EFR3B: variants seen among roughly 807,000 people sequenced by gnomAD.
EFR3B encodes protein EFR3 homolog B.
A neutral mutation model predicts 104.7 loss-of-function variants in EFR3B; 64 were observed. The observed-to-expected ratio is 0.61, with a 90% CI of 0.50 to 0.75. The LOEUF is 0.75. EFR3B is among the 30% of genes least tolerant of loss of function. The pLI is 0.00. For missense variants in EFR3B, 750 were observed against 1,078.5 expected (o/e 0.70, Z 4.27); for synonymous variants, 385 against 417.9 (o/e 0.92, Z 0.96).
At chr2:25,126,929 C>T (rs988698610) in intron 5 of EFR3B, among the ~76,000 whole-genome samples, 2 of 151,928 alleles carry the variant, frequency 1.3e-5, no homozygotes, top group African/African-American at 4.8e-5. Context: ...CACGGTGGCT[C>T]ACACCTGTAA....
chr2:25,149,591 T>C, intron 19 of EFR3B, 103 bp from the exon 20 acceptor site: 1 of 1,250,600 alleles, frequency 8.0e-7, no homozygotes, highest in Admixed American at 2.0e-5. Flanking sequence ...CCACTGGGAC[T>C]TTCTTCCAAC....
intron 16 of EFR3B, among the ~76,000 whole-genome samples, chr2:25,139,608 A>T (rs551427652): frequency 3.9e-4 from 60 of 152,316 alleles, no homozygotes; most frequent in Non-Finnish European, 8.1e-4. Context: ...GACTAAAGCT[A>T]TCAAATACCG....
At chr2:25,083,498 C>A (rs1668868104) in intron 1 of EFR3B, among the ~76,000 whole-genome samples, 1 of 152,116 alleles carries the variant, frequency 6.6e-6, no homozygotes, top group Non-Finnish European at 1.5e-5. Flanking sequence ...TTATTTGTTT[C>A]TTTCCTAGCT....
chr2:25,059,968 A>G (rs1298659808), intron 1 of EFR3B, among the ~76,000 whole-genome samples: 1 of 150,358 alleles, frequency 6.7e-6, no homozygotes, highest in Non-Finnish European at 1.5e-5. Context: ...GGAGGCTGAG[A>G]TGGGCATATC....
chr2:25,102,712 G>A (rs1669458693), intron 3 of EFR3B, among the ~76,000 whole-genome samples: 1 of 152,194 alleles, frequency 6.6e-6, no homozygotes, highest in South Asian at 2.1e-4. Flanking sequence ...GTCATCTAGT[G>A]AGAGGACTTG....
At chr2:25,119,580 T>C (rs1053829415) in intron 4 of EFR3B, among the ~76,000 whole-genome samples, 8 of 152,272 alleles carry the variant, frequency 5.3e-5, no homozygotes, top group African/African-American at 1.7e-4. Context: ...GGATTACCAC[T>C]GTGCCTCTTC....
chr2:25,085,136 A>G (rs1369101141), intron 1 of EFR3B, among the ~76,000 whole-genome samples: 1 of 152,208 alleles, frequency 6.6e-6, no homozygotes, highest in Non-Finnish European at 1.5e-5. Context: ...TTCCCCAACT[A>G]TCGGAGCTCA....
rs1236601229 is a variant in EFR3B at position 25,154,308 on chromosome 2, G to A, written c.2422G>A (p.Glu808Lys). Residue 808 changes from glutamate to lysine, a missense_variant, in exon 23 of 23, where the codon GAA (glutamate) becomes AAA (lysine). Physicochemically the swap from Glu to Lys is moderately conservative, Grantham distance 56. Transcript: ENST00000403714. This position sits in a 1 kb window ranked among gnomAD's most constrained non-coding sequence, Gnocchi z 4.1. Reference sequence around the variant, plus strand: ...GCAGAACCACTCCATCCCCGTCTATGAAATGAAGTTTCCCGATCTGTGTGT... The same window carrying A: ...GCAGAACCACTCCATCCCCGTCTATAAAATGAAGTTTCCCGATCTGTGTGT... The part of the protein sequence containing the change: ...QPQNHSIPVY[E>K]MKFPDLCVY 6 of 1,552,014 alleles carry A rather than the reference G, an allele frequency of 3.9e-6. No individual in the cohort carries two copies. The East Asian group carries it at 7.3e-5, about 19-fold the overall frequency.
chr2:25,077,789 C>T (rs1668678079), intron 1 of EFR3B, among the ~76,000 whole-genome samples: 1 of 152,016 alleles, frequency 6.6e-6, no homozygotes, highest in Non-Finnish European at 1.5e-5. Context: ...TTTCTTTTTT[C>T]CCCCGTTTTA....
intron 1 of EFR3B, among the ~76,000 whole-genome samples, chr2:25,053,773 G>C (rs1005769344): frequency 3.3e-5 from 5 of 152,184 alleles, no homozygotes; most frequent in African/African-American, 1.2e-4. Context: ...TGGGCATGGT[G>C]GCATGTGCCT....
chr2:25,117,190 G>A (rs1016169732), intron 4 of EFR3B, among the ~76,000 whole-genome samples: 3 of 152,300 alleles, frequency 2.0e-5, no homozygotes, highest in South Asian at 2.1e-4. Flanking sequence ...GGGACTGCCC[G>A]TCAGCCCCTG....
Position 25,136,665 on chromosome 2 carries a change from A to C in EFR3B, c.1560+67A>C. Reference sequence around the variant, plus strand: ...GGTGGCTCACGCCTGCAATCCCAGCACTTTGGGAGGCTGAGGCGGGCGGAT... The same window carrying C: ...GGTGGCTCACGCCTGCAATCCCAGCCCTTTGGGAGGCTGAGGCGGGCGGAT... On this transcript the variant is annotated intron_variant, in intron 14 of 22. Coordinates refer to ENST00000403714, the MANE Select transcript of EFR3B (RefSeq NM_014971.2). This position sits in a 1 kb window ranked among gnomAD's most constrained non-coding sequence, Gnocchi z 4.0. The C allele has an allele frequency of 7.2e-7, 1 of 1,385,956 alleles. No homozygotes were observed. The highest frequency in any genetic ancestry group is 1.0e-6 in the Non-Finnish European group (1 of 1,001,248). 85.9% of individuals were successfully genotyped at this position (1,385,956 alleles called of 1,614,324 possible). A position where few individuals can be genotyped will look rare whatever the true frequency, so the allele number is the denominator to read the frequency against.
At chr2:25,043,111 T>C (rs1231162421) in intron 1 of EFR3B, among the ~76,000 whole-genome samples, 3 of 152,128 alleles carry the variant, frequency 2.0e-5, no homozygotes, top group African/African-American at 7.2e-5. Context: ...CTCTGATGAA[T>C]GGAGCACTGG....
intron 1 of EFR3B, among the ~76,000 whole-genome samples, chr2:25,089,596 G>A (rs1457696056): frequency 6.6e-6 from 1 of 152,158 alleles, no homozygotes; most frequent in Non-Finnish European, 1.5e-5. Flanking sequence ...AGAAGACTGG[G>A]CAGCTGCAGG....
At chr2:25,049,415 A>G (rs1667806683) in intron 1 of EFR3B, among the ~76,000 whole-genome samples, 1 of 152,246 alleles carries the variant, frequency 6.6e-6, no homozygotes, top group South Asian at 2.1e-4. Flanking sequence ...GTATGATACT[A>G]CAGAGGCCAT....
chr2:25,098,351 C>T (rs1426320461), intron 3 of EFR3B, among the ~76,000 whole-genome samples: 4 of 152,174 alleles, frequency 2.6e-5, no homozygotes, highest in Admixed American at 1.3e-4. Flanking sequence ...CCTGTATCTG[C>T]CTTTCCTCTC....
intron 1 of EFR3B, among the ~76,000 whole-genome samples, chr2:25,045,611 G>A (rs897722726): frequency 1.4e-4 from 21 of 151,900 alleles, no homozygotes; most frequent in African/African-American, 4.1e-4. Flanking sequence ...GCGAAACCCC[G>A]TCTCTACCAA....
intron 1 of EFR3B, among the ~76,000 whole-genome samples, chr2:25,049,807 A>G (rs943666188): frequency 4.0e-5 from 6 of 151,814 alleles, no homozygotes; most frequent in Non-Finnish European, 2.9e-5. Flanking sequence ...GTTTAAGTGG[A>G]GAATTATGTG....
intron 4 of EFR3B, among the ~76,000 whole-genome samples, chr2:25,120,365 GC>G (rs1012399514): frequency 6.6e-6 from 1 of 151,838 alleles, no homozygotes; most frequent in African/African-American, 2.4e-5. Flanking sequence ...AAAAACCCTG[GC>G]CGGGCGCAGT....
Sources: allele counts gnomAD v4.1 joint callset (sites outside exome capture counted in the v4.1 genomes callset), GRCh38; gene constraint gnomAD v4.1.1; non-coding constraint Gnocchi (gnomAD v3.1); transcripts MANE v1.5; gene names NCBI Gene and HGNC (gene_info 2026-07-23, HGNC 2026-07-21).